The following C2orf76 variants were observed in gnomAD, a reference collection of about 807,000 sequenced individuals.
C2orf76 encodes the protein UPF0538 protein C2orf76.
In C2orf76, 23 loss-of-function variants were observed where a neutral mutation model predicts 16.9. The observed-to-expected ratio is 1.36, with a 90% confidence interval of 0.98 to 1.93. The LOEUF is 1.93. C2orf76 is among the 30% of genes most tolerant of loss of function. C2orf76 has a pLI of 0.00. For synonymous variants in C2orf76, 48 were observed against 52.3 expected (o/e 0.92, Z 0.35); for missense variants, 152 against 152.6 (o/e 1.00, Z 0.02).
At chr2:119,298,282 T>A (rs1214887230), downstream of C2orf76, among the ~76,000 whole-genome samples, 2 of 152,250 alleles carry the variant, frequency 1.3e-5, no homozygotes, top group African/African-American at 4.8e-5. Flanking sequence ...TCTGAAATTT[T>A]AGTGAATGGT....
At chr2:119,331,729 G>T (rs1347162278) in intron 2 of C2orf76, among the ~76,000 whole-genome samples, 1 of 152,194 alleles carries the variant, frequency 6.6e-6, no homozygotes, top group Non-Finnish European at 1.5e-5. Context: ...CCAGGGAAAT[G>T]ATTGTTTTAT....
At chr2:119,331,287 T>C (rs530343251) in intron 2 of C2orf76, among the ~76,000 whole-genome samples, 110 of 152,282 alleles carry the variant, frequency 7.2e-4, no homozygotes, top group African/African-American at 2.6e-3. Context: ...GCTCTACTAC[T>C]GCAGCAACAC....
chr2:119,304,891 C>T (rs973610335), intron 5 of C2orf76, among the ~76,000 whole-genome samples: 13 of 152,180 alleles, frequency 8.5e-5, no homozygotes, highest in Non-Finnish European at 2.9e-5. Context: ...TTTAAGGTTT[C>T]TACATCATCA....
intron 1 of C2orf76, among the ~76,000 whole-genome samples, chr2:119,355,669 T>C (rs1680548453): frequency 6.6e-6 from 1 of 152,102 alleles, no homozygotes; most frequent in Non-Finnish European, 1.5e-5. Flanking sequence ...GGGATCTAGG[T>C]TGCATGCTCC....
intron 1 of C2orf76, among the ~76,000 whole-genome samples, chr2:119,347,978 G>A (rs1015322943): frequency 2.7e-5 from 4 of 146,842 alleles, no homozygotes; most frequent in African/African-American, 7.6e-5. Context: ...GTTTGAGGCT[G>A]CAGTGAGCTA....
chr2:119,334,703 A>T lies in C2orf76; in HGVS notation c.133+5124T>A, dbSNP rs867819538. 3.7e-4 allele frequency among the ~76,000 whole-genome samples: 54 copies of T among 146,182 alleles called. 1 individual carries two copies. Among genetic ancestry groups the T allele is most frequent in the African/African-American group, 1.2e-3 (46 of 39,808 alleles). On this transcript the variant is annotated intron_variant, in intron 2 of 5. Transcript: ENST00000334816. ...GAGACTCTCTCTCAGAAAAAAACAA[A>T]ATATATATATATATATATTTAAGAA...
At chr2:119,344,177 T>C (rs907071867) in intron 1 of C2orf76, among the ~76,000 whole-genome samples, 1 of 152,258 alleles carries the variant, frequency 6.6e-6, no homozygotes, top group Non-Finnish European at 1.5e-5. Context: ...CTTCAATTTA[T>C]ACTCAGTAAC....
At chr2:119,359,773 T>C (rs1680685401) in intron 1 of C2orf76, among the ~76,000 whole-genome samples, 1 of 152,218 alleles carries the variant, frequency 6.6e-6, no homozygotes, top group South Asian at 2.1e-4. Flanking sequence ...AGCAGTTTCT[T>C]GAGACAGAAT....
intron 5 of C2orf76, among the ~76,000 whole-genome samples, chr2:119,310,709 T>TA (rs1022361362): frequency 2.0e-5 from 3 of 151,902 alleles, no homozygotes; most frequent in African/African-American, 7.3e-5. Context: ...CTGTCTCTAC[T>TA]AAAAAAATAC....
At chr2:119,347,331 T>C (rs1680236231) in intron 1 of C2orf76, among the ~76,000 whole-genome samples, 1 of 152,194 alleles carries the variant, frequency 6.6e-6, no homozygotes, top group Non-Finnish European at 1.5e-5. Context: ...AGAGGAAGGC[T>C]ATATATTAAA....
At chr2:119,313,087 T>G (rs1294868049) in intron 4 of C2orf76, among the ~76,000 whole-genome samples, 2 of 150,970 alleles carry the variant, frequency 1.3e-5, no homozygotes, top group Admixed American at 1.3e-4. Context: ...TAACCACTAG[T>G]GGCACACAGC....
At chr2:119,357,691 C>G (rs1480483866) in intron 1 of C2orf76, among the ~76,000 whole-genome samples, 1 of 151,548 alleles carries the variant, frequency 6.6e-6, no homozygotes, top group Non-Finnish European at 1.5e-5. Flanking sequence ...AATAGCCATT[C>G]TCACCATTCT....
chr2:119,330,347 C>T (rs1455989001), intron 2 of C2orf76, among the ~76,000 whole-genome samples: 3 of 124,280 alleles, frequency 2.4e-5, no homozygotes, highest in Admixed American at 1.5e-4. Context: ...ACTGCACTCT[C>T]CATCTCAAAA....
intron 2 of C2orf76, among the ~76,000 whole-genome samples, chr2:119,322,854 G>GA (rs1229821432): frequency 6.6e-6 from 1 of 151,526 alleles, no homozygotes; most frequent in Non-Finnish European, 1.5e-5. Context: ...GCTGAGTGGG[G>GA]GGTGGGGAGG....
At chr2:119,348,943 C>A (rs1434275428) in intron 1 of C2orf76, among the ~76,000 whole-genome samples, 1 of 152,116 alleles carries the variant, frequency 6.6e-6, no homozygotes, top group East Asian at 1.9e-4. Context: ...GCCAAGATTG[C>A]ACCACTGCAC....
At chr2:119,307,888 G>T (rs1020122521) in intron 5 of C2orf76, among the ~76,000 whole-genome samples, 2 of 152,196 alleles carry the variant, frequency 1.3e-5, no homozygotes, top group African/African-American at 2.4e-5. Flanking sequence ...CTTGCCAACT[G>T]CCTTCTCCAG....
chr2:119,348,046 CAAAAAA>C (rs1205382710), intron 1 of C2orf76, among the ~76,000 whole-genome samples: 1 of 81,986 alleles, frequency 1.2e-5, no homozygotes. Flanking sequence ...GGCTCTGTCT[CAAAAAA>C]AAAAAAAAAA....
chr2:119,357,554 G>A (rs545983780), intron 1 of C2orf76, among the ~76,000 whole-genome samples: 29 of 150,890 alleles, frequency 1.9e-4, no homozygotes, highest in South Asian at 1.5e-3. Flanking sequence ...AAGAAAAGAG[G>A]GGAACATCTC....
At chr2:119,313,213 G>A (rs370276343) in intron 4 of C2orf76, among the ~76,000 whole-genome samples, 9 of 151,998 alleles carry the variant, frequency 5.9e-5, no homozygotes, top group South Asian at 2.1e-4. Context: ...CCCAAGCCAC[G>A]CAGGGTTTAT....
Sources: gnomAD v4.1 joint callset for allele counts (sites outside exome capture counted in the v4.1 genomes callset) on GRCh38, gnomAD v4.1.1 for gene constraint, MANE v1.5 for transcripts, NCBI Gene and HGNC (gene_info 2026-07-23, HGNC 2026-07-21) for gene names.